Variants in WWOX observed in about 807,000 individuals in gnomAD.
The protein encoded by WWOX is WW domain containing oxidoreductase.
In WWOX, 69 loss-of-function variants were observed where a neutral mutation model predicts 46.2. The observed-to-expected ratio is 1.49, with a 90% CI of 1.23 to 1.82. The LOEUF (loss-of-function observed/expected upper bound fraction) is 1.82, where lower values mean the gene tolerates loss of function less well. Among genes scored for constraint, WWOX ranks in the 40% most tolerant of loss-of-function variants. WWOX has a pLI of 0.00. For synonymous variants in WWOX, 359 were observed against 202.6 expected (o/e 1.77, Z -6.56); for missense variants, 919 against 542.6 (o/e 1.69, Z -6.89).
At chr16:78,863,510 T>C (rs2043937805) in intron 8 of WWOX, among the ~76,000 whole-genome samples, 1 of 152,190 alleles carries the variant, frequency 6.6e-6, no homozygotes, top group South Asian at 2.1e-4. Flanking sequence ...CCCTGCTGAT[T>C]TAGTGTCACA....
chr16:78,981,023 T>C (rs1395222314), intron 8 of WWOX, among the ~76,000 whole-genome samples: 1 of 152,176 alleles, frequency 6.6e-6, no homozygotes, highest in Non-Finnish European at 1.5e-5. Flanking sequence ...CTGTGTTGCG[T>C]CATCATGGGG....
At chr16:78,413,485 G>C (rs1376469337) in intron 6 of WWOX, among the ~76,000 whole-genome samples, 1 of 152,174 alleles carries the variant, frequency 6.6e-6, no homozygotes, top group African/African-American at 2.4e-5. Flanking sequence ...ACATTCTCAA[G>C]GGTGGGGAGA....
At chr16:78,672,377 A>T (rs1275390533) in intron 8 of WWOX, among the ~76,000 whole-genome samples, 1 of 152,188 alleles carries the variant, frequency 6.6e-6, no homozygotes, top group Admixed American at 6.5e-5. Flanking sequence ...GATGATCAGA[A>T]AATACATACA....
chr16:79,000,903 G>T (rs2047079529), intron 8 of WWOX, among the ~76,000 whole-genome samples: 1 of 152,128 alleles, frequency 6.6e-6, no homozygotes, highest in Non-Finnish European at 1.5e-5. Flanking sequence ...TTTGTGTGAT[G>T]ATTTAATTAA....
intron 8 of WWOX, among the ~76,000 whole-genome samples, chr16:78,947,410 G>T (rs1388684822): frequency 6.6e-6 from 1 of 152,054 alleles, no homozygotes; most frequent in Admixed American, 6.6e-5. Context: ...TTATTACAGC[G>T]CAGGTGCATC....
At chr16:78,647,309 C>T (rs1027110232) in intron 8 of WWOX, among the ~76,000 whole-genome samples, 1 of 152,156 alleles carries the variant, frequency 6.6e-6, no homozygotes, top group East Asian at 1.9e-4. Context: ...TGGCCCGGCC[C>T]AGGCGAGGAT....
chr16:78,991,905 G>A (rs1241308347), intron 8 of WWOX, among the ~76,000 whole-genome samples: 1 of 152,082 alleles, frequency 6.6e-6, no homozygotes, highest in African/African-American at 2.4e-5. Context: ...ATGTTCCTTT[G>A]TTCCCGCCTA....
intron 8 of WWOX, among the ~76,000 whole-genome samples, chr16:79,128,182 G>A (rs763774963): frequency 2.0e-5 from 3 of 152,034 alleles, no homozygotes; most frequent in African/African-American, 7.2e-5. Context: ...AAGATAAAAC[G>A]CCCTGCCAGA....
At chr16:78,906,569 A>C (rs1484385887) in intron 8 of WWOX, among the ~76,000 whole-genome samples, 1 of 152,162 alleles carries the variant, frequency 6.6e-6, no homozygotes, top group Non-Finnish European at 1.5e-5. Context: ...GCATAAATAT[A>C]CATCTTTCAG....
chr16:78,342,425 A>T (rs1030171132), intron 5 of WWOX, among the ~76,000 whole-genome samples: 2 of 120,426 alleles, frequency 1.7e-5, no homozygotes, highest in African/African-American at 5.6e-5. Context: ...AAAGTCAAGG[A>T]CTCTGTAACA....
At chr16:78,678,539 C>T (rs1480507572) in intron 8 of WWOX, among the ~76,000 whole-genome samples, 1 of 152,132 alleles carries the variant, frequency 6.6e-6, no homozygotes, top group African/African-American at 2.4e-5. Flanking sequence ...GGCGGAGATC[C>T]AGTGCTCAGG....
intron 8 of WWOX, among the ~76,000 whole-genome samples, chr16:78,806,301 T>G (rs913798676): frequency 4.6e-5 from 7 of 152,204 alleles, no homozygotes; most frequent in African/African-American, 1.4e-4. Flanking sequence ...ATTTCCCTAT[T>G]CTTTAGAGTT....
intron 8 of WWOX, among the ~76,000 whole-genome samples, chr16:78,636,299 C>T (rs951782742): frequency 1.3e-5 from 2 of 152,112 alleles, no homozygotes; most frequent in Non-Finnish European, 2.9e-5. Flanking sequence ...CTACCAGACA[C>T]CTCAGAGACA....
In WWOX at chr16:78,976,904, C is replaced by A. The variant is rs1323663839; in HGVS notation, c.1057-234704C>A. Among the ~76,000 whole-genome samples the A allele has an allele frequency of 2.0e-5, 3 of 152,166 alleles. No homozygotes were observed. In the South Asian group the frequency reaches 6.2e-4, roughly 32 times the overall value. Reference sequence around the variant, plus strand: ...CACGCCGCACTCCACCTCCCATGCCCTTTTCTTTTTCTCAGGGCCATCAGA... The same window carrying A: ...CACGCCGCACTCCACCTCCCATGCCATTTTCTTTTTCTCAGGGCCATCAGA... On this transcript the variant is annotated intron_variant, in intron 8 of 8. Coordinates refer to ENST00000566780, the MANE Select transcript of WWOX (RefSeq NM_016373.4).
chr16:78,542,907 C>A (rs370024604), intron 8 of WWOX, among the ~76,000 whole-genome samples: 2 of 152,112 alleles, frequency 1.3e-5, no homozygotes, highest in African/African-American at 2.4e-5. Context: ...GATGTTAGCC[C>A]CAATGTCTTT....
At chr16:78,274,044 G>A (rs551496070) in intron 5 of WWOX, among the ~76,000 whole-genome samples, 4 of 152,236 alleles carry the variant, frequency 2.6e-5, no homozygotes, top group South Asian at 2.1e-4. Context: ...AAATTGCTTA[G>A]GTGTTTTCAA....
chr16:78,334,091 T>G (rs1376502031), intron 5 of WWOX, among the ~76,000 whole-genome samples: 2 of 152,180 alleles, frequency 1.3e-5, no homozygotes, highest in East Asian at 3.9e-4. Context: ...AAGATGCAGA[T>G]TTGATTCCCC....
chr16:78,699,564 C>G (rs1424587634), intron 8 of WWOX, among the ~76,000 whole-genome samples: 1 of 152,102 alleles, frequency 6.6e-6, no homozygotes, highest in East Asian at 1.9e-4. Context: ...GAAAGAAAAA[C>G]AAGTTCATGA....
At position 78,371,088 on chromosome 16, in the gene WWOX, G is replaced by T. The variant is rs547934050; in HGVS notation, c.517-15772G>T. ...CCTTTAATTAGCATTCAAACTAATCGTTATTAGAGTGTGTAACATGATCTT... is the reference window on the plus strand; with the variant it reads ...CCTTTAATTAGCATTCAAACTAATCTTTATTAGAGTGTGTAACATGATCTT... On this transcript the variant is annotated intron_variant, in intron 5 of 8. Transcript: ENST00000566780. 4.1e-5 allele frequency among the ~76,000 whole-genome samples: 6 copies of T among 147,162 alleles called. 1 individual carries two copies. Among genetic ancestry groups the T allele is most frequent in the Non-Finnish European group, 8.9e-5 (6 of 67,164 alleles).
Sources: allele counts gnomAD v4.1 joint callset (sites outside exome capture counted in the v4.1 genomes callset), GRCh38; gene constraint gnomAD v4.1.1; transcripts MANE v1.5; gene names NCBI Gene and HGNC (gene_info 2026-07-23, HGNC 2026-07-21).